Variants in ARID5B observed in about 807,000 individuals in gnomAD.
The protein encoded by ARID5B is AT-rich interaction domain 5B, also known as AT-rich interactive domain-containing protein 5B.
Under a neutral mutation model 97.2 loss-of-function variants are expected in ARID5B, and 13 were observed. The ratio of observed to expected loss-of-function variants is 0.13; its 90% CI spans 0.09 to 0.21. The LOEUF (loss-of-function observed/expected upper bound fraction) is 0.21. ARID5B is among the 10% of genes least tolerant of loss of function. The pLI is 1.00. For missense variants in ARID5B, 1,210 were observed against 1,465.3 expected, an observed-to-expected ratio of 0.83 and a Z score of 2.84; for synonymous variants, 556 against 570.3, an observed-to-expected ratio of 0.97 and a Z score of 0.36.
rs538252997 is a variant in ARID5B at position 62,092,554 on chromosome 10, G to A, written c.3091G>A (p.Val1031Met). The A allele has an allele frequency of 6.2e-7, 1 of 1,614,198 alleles. No homozygotes were observed. Among genetic ancestry groups the A allele is most frequent in the African/African-American group, 1.3e-5 (1 of 75,060 alleles). The change falls in exon 10 of 10, where the codon GTG becomes ATG. Residue 1031 changes from valine to methionine, a missense_variant. This residue lies in a region of ARID5B where 800 missense variants were observed against 839.1 expected (regional missense o/e 0.95). Transcript: ENST00000279873. ...LVIAGKKARA[V>M]SPLDPSKEVS... ...GATTGCAGGGAAAAAGGCCCGGGCA[G>A]TGTCTCCCTTAGACCCATCCAAGGA...
intron 2 of ARID5B, among the ~76,000 whole-genome samples, chr10:61,921,985 G>A (rs531449919): frequency 6.6e-6 from 1 of 152,110 alleles, no homozygotes; most frequent in African/African-American, 2.4e-5. Flanking sequence ...GGGACCACAG[G>A]CGTGCACCAC....
At chr10:62,061,860 C>G (rs1839925531) in intron 7 of ARID5B, among the ~76,000 whole-genome samples, 1 of 152,218 alleles carries the variant, frequency 6.6e-6, no homozygotes, top group African/African-American at 2.4e-5. Flanking sequence ...ATCCCCTTCA[C>G]TGGGGCTGGG....
chr10:62,027,336 T>C (rs1267349547), intron 4 of ARID5B, among the ~76,000 whole-genome samples: 4 of 132,310 alleles, frequency 3.0e-5, no homozygotes, highest in African/African-American at 1.1e-4. Flanking sequence ...TGAGACTGAG[T>C]CTTGCTCTGT....
intron 3 of ARID5B, among the ~76,000 whole-genome samples, chr10:61,999,123 A>G (rs560773112): frequency 1.3e-5 from 2 of 152,318 alleles, no homozygotes; most frequent in African/African-American, 4.8e-5. Context: ...CCTCCAAGAG[A>G]GTGAGGCACA....
chr10:61,909,747 T>G (rs1843771656), intron 2 of ARID5B, among the ~76,000 whole-genome samples: 1 of 152,246 alleles, frequency 6.6e-6, no homozygotes, highest in African/African-American at 2.4e-5. Flanking sequence ...GTCATTCACA[T>G]GTGGGCCAGA....
chr10:62,019,816 C>T (rs890079142), intron 4 of ARID5B, among the ~76,000 whole-genome samples: 3 of 152,162 alleles, frequency 2.0e-5, no homozygotes, highest in African/African-American at 4.8e-5. Flanking sequence ...CTTTCCAAAA[C>T]AAACTTTGGC....
chr10:62,066,318 C>A (rs1337769216), intron 7 of ARID5B, among the ~76,000 whole-genome samples: 2 of 151,894 alleles, frequency 1.3e-5, no homozygotes, highest in Non-Finnish European at 2.9e-5. Context: ...CATCTAGAGA[C>A]CAAAAAAACA....
intron 8 of ARID5B, among the ~76,000 whole-genome samples, chr10:62,071,978 T>C (rs761661125): frequency 2.0e-5 from 3 of 152,182 alleles, no homozygotes; most frequent in Non-Finnish European, 2.9e-5. Flanking sequence ...GACTTCACCA[T>C]AGGCAGTTGC....
intron 3 of ARID5B, among the ~76,000 whole-genome samples, chr10:61,997,024 G>T (rs1258614207): frequency 6.6e-6 from 1 of 151,918 alleles, no homozygotes; most frequent in Non-Finnish European, 1.5e-5. Flanking sequence ...TTGTTGAAAA[G>T]GTAAATTCCT....
intron 3 of ARID5B, among the ~76,000 whole-genome samples, chr10:61,965,630 A>G (rs1838534604): frequency 6.6e-6 from 1 of 152,150 alleles, no homozygotes; most frequent in African/African-American, 2.4e-5. Context: ...ATTTTTTTCT[A>G]TTTAAAATAA....
At position 62,095,495 on chromosome 10, in the gene ARID5B, AT is replaced by A; in HGVS notation, c.*2469del. The A allele has an allele frequency of 4.3e-6, 1 of 233,624 alleles. No homozygotes were observed. The highest frequency in any genetic ancestry group is 8.5e-6 in the Non-Finnish European group (1 of 118,006). The allele number at this position is 233,624 out of a possible 1,614,324, so 14.5% of individuals were successfully genotyped here. ...CATCATGTTGGAATTCGATCACACC[AT>A]TTTCAAACAATGTTAACATAGTCCA... On this transcript the variant is annotated 3_prime_UTR_variant, in exon 10 of 10. Coordinates refer to ENST00000279873, the MANE Select transcript of ARID5B (RefSeq NM_032199.3).
intron 8 of ARID5B, among the ~76,000 whole-genome samples, chr10:62,078,786 G>A (rs1184619993): frequency 6.6e-6 from 1 of 152,172 alleles, no homozygotes; most frequent in Non-Finnish European, 1.5e-5. Context: ...ATCATAGAAA[G>A]CCCCAAAGGA....
intron 8 of ARID5B, among the ~76,000 whole-genome samples, chr10:62,078,315 C>G (rs964095760): frequency 1.8e-4 from 27 of 152,092 alleles, no homozygotes; most frequent in African/African-American, 6.5e-4. Context: ...ATGGTGATAC[C>G]CTATCTCTAC....
chr10:62,035,515 G>A (rs530448280), intron 4 of ARID5B, among the ~76,000 whole-genome samples: 9 of 152,204 alleles, frequency 5.9e-5, no homozygotes, highest in South Asian at 2.1e-4. Flanking sequence ...ATTTTAAGAC[G>A]GAGTCTCACT....
At chr10:61,953,029 A>C (rs934824144) in intron 3 of ARID5B, among the ~76,000 whole-genome samples, 1 of 151,844 alleles carries the variant, frequency 6.6e-6, no homozygotes, top group Non-Finnish European at 1.5e-5. Flanking sequence ...GCTTGTTTGT[A>C]ATCTTTTTTT....
intron 3 of ARID5B, among the ~76,000 whole-genome samples, chr10:61,947,992 C>T (rs1049131000): frequency 6.6e-6 from 1 of 152,192 alleles, no homozygotes; most frequent in South Asian, 2.1e-4. Context: ...ATTTCTTCTT[C>T]TGATGACGGA....
chr10:62,040,535 T>C (rs139222069), intron 4 of ARID5B, among the ~76,000 whole-genome samples: 16 of 152,270 alleles, frequency 1.1e-4, no homozygotes, highest in African/African-American at 3.6e-4. Context: ...ATATCTATAA[T>C]CATAACATTG....
chr10:62,031,138 G>T (rs1327085558), intron 4 of ARID5B, among the ~76,000 whole-genome samples: 1 of 152,210 alleles, frequency 6.6e-6, no homozygotes, highest in East Asian at 1.9e-4. Flanking sequence ...GGAGGCTGTG[G>T]CAGGAGAGTC....
Position 62,057,099 on chromosome 10 carries a change from A to G in ARID5B, c.847-18A>G, listed in dbSNP as rs974742400. 3.7e-6 allele frequency: 6 copies of G among 1,612,632 alleles called. No homozygotes were observed. The Admixed American group carries it at 5.0e-5, about 13-fold the overall frequency. ...GGGGCTGTGCCTCGTCTGATGTGGT[A>G]TATTTTCCCTTTTCCAGGTGAAATG... On this transcript the variant is annotated intron_variant, in intron 5 of 9. Coordinates refer to ENST00000279873, the MANE Select transcript of ARID5B (RefSeq NM_032199.3).
Sources: allele counts gnomAD v4.1 joint callset (sites outside exome capture counted in the v4.1 genomes callset), GRCh38; gene constraint gnomAD v4.1.1; regional missense constraint gnomAD v4.1.1; transcripts MANE v1.5; gene names NCBI Gene and HGNC (gene_info 2026-07-23, HGNC 2026-07-21).